Variants in ATP6V1B1 observed in about 807,000 individuals in gnomAD.
ATP6V1B1 encodes V-type proton ATPase subunit B, kidney isoform.
A neutral mutation model predicts 62.1 loss-of-function variants in ATP6V1B1; 41 were observed. The observed-to-expected ratio is 0.66, with a 90% CI of 0.51 to 0.86. The LOEUF is 0.86. ATP6V1B1 is among the 40% of genes least tolerant of loss of function. The probability of loss-of-function intolerance (pLI) is 0.00; values close to 1 mark genes in which losing one functional copy is unlikely to be tolerated. For synonymous variants in ATP6V1B1, 253 were observed against 273.4 expected (o/e 0.93, Z 0.74); for missense variants, 651 against 697.5 (o/e 0.93, Z 0.75).
In ATP6V1B1 at chr2:70,958,438, G is replaced by A. The variant is rs1553419467; in HGVS notation, c.367+12G>A. On this transcript the variant is annotated intron_variant, in intron 4 of 13. Coordinates refer to ENST00000234396, the MANE Select transcript of ATP6V1B1 (RefSeq NM_001692.4). The stretch of plus-strand genomic sequence containing the variant: ...AGAGGACATGCTGGGTGAGGGACAG[G>A]GAGGGGCAGGGGTGGGGGTGCTCCT... The A allele has an allele frequency of 1.2e-6, 2 of 1,606,384 alleles. No homozygotes were observed. Among genetic ancestry groups the A allele is most frequent in the Non-Finnish European group, 1.7e-6 (2 of 1,173,216 alleles).
chr2:70,953,264 C>A (rs1002843704), intron 2 of ATP6V1B1, among the ~76,000 whole-genome samples: 11 of 152,164 alleles, frequency 7.2e-5, no homozygotes, highest in Admixed American at 5.2e-4. Flanking sequence ...CTACACCCAG[C>A]CTATGTAGGG....
In ATP6V1B1 at chr2:70,943,579, G is replaced by A. The variant is rs781926916; in HGVS notation, c.119-79G>A. 61 of 1,455,282 alleles carry A rather than the reference G, an allele frequency of 4.2e-5. 1 individual carries two copies. The South Asian group carries it at 7.1e-4, about 17-fold the overall frequency. 90.1% of individuals were successfully genotyped at this position (1,455,282 alleles called of 1,614,324 possible). A position where few individuals can be genotyped will look rare whatever the true frequency, so the allele number is the denominator to read the frequency against. ...AGGAGGTGGGGTGTGGAGAGAGGAA[G>A]GGAAGGCAGAGGATGCCTCTGTGTG... On this transcript the variant is annotated intron_variant, in intron 1 of 13. Transcript: ENST00000234396.
intron 12 of ATP6V1B1, 49 bp downstream of exon 12, chr2:70,964,591 C>G (rs1553420724): frequency 1.2e-6 from 2 of 1,609,910 alleles, no homozygotes; most frequent in Admixed American, 3.3e-5. Context: ...GTTTCCGAAG[C>G]TGAAGGCCTG....
intron 2 of ATP6V1B1, among the ~76,000 whole-genome samples, chr2:70,945,963 A>G (rs1680160542): frequency 6.6e-6 from 1 of 151,486 alleles, no homozygotes; most frequent in Admixed American, 6.6e-5. Flanking sequence ...CCACTGAGGT[A>G]TTTGGTCAAG....
rs542448036 is a variant in ATP6V1B1, at chr2:70,959,885, G to T, written c.446-54G>T. The T allele has an allele frequency of 5.6e-6, 9 of 1,613,796 alleles. No individual in the cohort carries two copies. In the East Asian group the frequency reaches 2.0e-4, roughly 36 times the overall value. On this transcript the variant is annotated intron_variant, in intron 5 of 13. Coordinates refer to ENST00000234396, the MANE Select transcript of ATP6V1B1 (RefSeq NM_001692.4). The surrounding 1 kb of genome is among the most constrained non-coding windows in gnomAD (Gnocchi z 4.2). ...TGGAGTCTGGGGTCAGTGTCGAGGA[G>T]AGCAGGGAAGGGTTTGAACCCCTGA...
rs1553420705 is a variant in ATP6V1B1, at chr2:70,964,556, G to C, written c.1248+14G>C. 9 of 1,613,278 alleles carry C rather than the reference G, an allele frequency of 5.6e-6. No homozygotes were observed. Among genetic ancestry groups the C allele is most frequent in the Non-Finnish European group, 7.6e-6 (9 of 1,179,236 alleles). On this transcript the variant is annotated intron_variant, in intron 12 of 13. Coordinates refer to ENST00000234396, the MANE Select transcript of ATP6V1B1 (RefSeq NM_001692.4). Reference sequence around the variant, plus strand: ...TCCAACCAGCTGGTAAGGAGAAGAGGGTCCGGGGGCTGGTAGGTCCTCTAG... The same window carrying C: ...TCCAACCAGCTGGTAAGGAGAAGAGCGTCCGGGGGCTGGTAGGTCCTCTAG...
chr2:70,959,735 A>T lies in ATP6V1B1; in HGVS notation c.446-204A>T, dbSNP rs1447273952. Among the ~76,000 whole-genome samples the T allele has an allele frequency of 6.6e-6, 1 of 152,230 alleles. No homozygotes were observed. Among genetic ancestry groups the T allele is most frequent in the Admixed American group, 6.5e-5 (1 of 15,288 alleles). ...TAAATTTAAACTAATTCAAACAGAA[A>T]GAAAGTCCCATTTCAGAGTCACACG... On this transcript the variant is annotated intron_variant, in intron 5 of 13. Transcript: ENST00000234396. This position sits in a 1 kb window ranked among gnomAD's most constrained non-coding sequence, Gnocchi z 4.2.
In ATP6V1B1 at chr2:70,964,444, C is replaced by T. The variant is rs782669690; in HGVS notation, c.1150C>T (p.Pro384Ser). 9 of 1,613,750 alleles carry T rather than the reference C, an allele frequency of 5.6e-6. No homozygotes were observed. The highest frequency in any genetic ancestry group is 1.7e-5 in the Admixed American group (1 of 59,970). Reference sequence around the variant, plus strand: ...CCTTTTTCTTCTCCCTCAGATCTACCCCCCCATCAACGTGCTCCCTTCCCT... The same window carrying T: ...CCTTTTTCTTCTCCCTCAGATCTACTCCCCCATCAACGTGCTCCCTTCCCT... ...DRQLHNRQIY[P>S]PINVLPSLSR... Residue 384 changes from proline (P) to serine (S), a missense_variant, in exon 12 of 14, where the codon CCC (proline) becomes TCC (serine). By Grantham distance (74) the Pro-to-Ser change is moderately conservative. Coordinates refer to ENST00000234396, the MANE Select transcript of ATP6V1B1 (RefSeq NM_001692.4).
At chr2:70,946,352 G>T (rs1553417319) in intron 2 of ATP6V1B1, among the ~76,000 whole-genome samples, 1 of 152,206 alleles carries the variant, frequency 6.6e-6, no homozygotes, top group Non-Finnish European at 1.5e-5. Flanking sequence ...ACTGGGTTTG[G>T]ATTTTAATCC....
At chr2:70,948,240 CTTTT>C (rs61680005) in intron 2 of ATP6V1B1, 93,422 of 151,588 alleles carry the variant, frequency 0.62, 28,871 homozygotes, top group East Asian at 0.79. Context: ...AAAATGATCA[CTTTT>C]TTTTTTTCTT....
In ATP6V1B1 at chr2:70,964,842, T is replaced by G. The variant is rs781851426; in HGVS notation, c.1355T>G (p.Phe452Cys). ...DLLYLEFLQK[F>C]EKNFINQGPY... The stretch of plus-strand genomic sequence containing the variant: ...CTCTACCTGGAATTCCTGCAGAAGT[T>G]TGAGAAGAACTTCATCAATCAGGGT... Residue 452 changes from phenylalanine (F) to cysteine (C), a missense_variant, in exon 13 of 14, where the codon TTT becomes TGT. Transcript: ENST00000234396. 1 of 1,614,032 alleles carries G rather than the reference T, an allele frequency of 6.2e-7. No homozygotes were observed. The highest frequency in any genetic ancestry group is 8.5e-7 in the Non-Finnish European group (1 of 1,180,018).
chr2:70,948,906 G>T (rs1488390217), intron 2 of ATP6V1B1, among the ~76,000 whole-genome samples: 3 of 152,122 alleles, frequency 2.0e-5, no homozygotes, highest in Admixed American at 6.5e-5. Context: ...ACCTTGCTGG[G>T]GAATTGGACC....
chr2:70,961,020 G>T lies in ATP6V1B1; in HGVS notation c.685G>T (p.Gly229Trp). Residue 229 changes from glycine (G) to tryptophan (W), a missense_variant and splice_region_variant, in exon 7 of 14, where the codon GGG (glycine) becomes TGG (tryptophan). By Grantham distance (184) the Gly-to-Trp change is radical. Transcript: ENST00000234396. ...CTTCGCCATCGTCTTTGCAGCCATG[G>T]GGGTGAGGAGACTTAGTAGACTGGC... Reference protein sequence around the residue: ...DNFAIVFAAMGVNMETARFFK... With the variant: ...DNFAIVFAAMWVNMETARFFK... 1.3e-6 allele frequency: 2 copies of T among 1,579,360 alleles called. No individual in the cohort carries two copies. Among genetic ancestry groups the T allele is most frequent in the Non-Finnish European group, 1.7e-6 (2 of 1,162,320 alleles).
In ATP6V1B1 at chr2:70,935,986, G is replaced by A. The variant is rs1053770030; in HGVS notation, c.32G>A (p.Gly11Glu). Residue 11 changes from glycine to glutamate, a missense_variant, in exon 1 of 14, where the codon GGG (glycine) becomes GAG (glutamate). Transcript: ENST00000234396. MAMEIDSRPGGLPGSSCNLGA... is the reference protein window; with the variant it reads MAMEIDSRPGELPGSSCNLGA... ...ATGGAGATAGACAGCAGGCCTGGGG[G>A]GCTCCCCGGCAGTAGCTGCAACCTA... 2.0e-5 allele frequency: 32 copies of A among 1,613,848 alleles called. No homozygotes were observed. The highest frequency in any genetic ancestry group is 2.7e-5 in the Non-Finnish European group (32 of 1,179,954).
chr2:70,941,300 G>A, intron 1 of ATP6V1B1: 2 of 985,554 alleles, frequency 2.0e-6, no homozygotes, highest in Non-Finnish European at 2.4e-6. Context: ...ATGATGTCTT[G>A]CCCTCCTGGA....
chr2:70,956,386 G>A (rs1279613538), intron 2 of ATP6V1B1, among the ~76,000 whole-genome samples: 1 of 152,222 alleles, frequency 6.6e-6, no homozygotes, highest in Non-Finnish European at 1.5e-5. Flanking sequence ...GGGTTCCAGG[G>A]CAGTCCCTTC....
At chr2:70,936,413 C>A (rs782105645) in intron 1 of ATP6V1B1, among the ~76,000 whole-genome samples, 1 of 152,098 alleles carries the variant, frequency 6.6e-6, no homozygotes, top group Non-Finnish European at 1.5e-5. Flanking sequence ...CTTGTGTAAA[C>A]GTGCCTGTGT....
intron 2 of ATP6V1B1, 148 bp downstream of exon 2, chr2:70,943,861 C>G: frequency 7.7e-7 from 1 of 1,294,562 alleles, no homozygotes; most frequent in Non-Finnish European, 1.1e-6. Flanking sequence ...CACTCCCACT[C>G]TCCTTCCCTA....
chr2:70,958,641 G>A (rs1680504051), intron 4 of ATP6V1B1, among the ~76,000 whole-genome samples: 1 of 152,160 alleles, frequency 6.6e-6, no homozygotes, highest in Non-Finnish European at 1.5e-5. Flanking sequence ...AGGAAGGTGG[G>A]TTCAATAAAC....
Sources: allele counts gnomAD v4.1 joint callset (sites outside exome capture counted in the v4.1 genomes callset), GRCh38; gene constraint gnomAD v4.1.1; non-coding constraint Gnocchi (gnomAD v3.1); transcripts MANE v1.5; gene names NCBI Gene and HGNC (gene_info 2026-07-23, HGNC 2026-07-21).